The following N4BP2 variants were observed in gnomAD, a reference collection of about 807,000 sequenced individuals.
N4BP2 encodes the protein NEDD4 binding protein 2, also known as NEDD4-binding protein 2.
In N4BP2, 91 loss-of-function variants were observed where a neutral mutation model predicts 152.8. The ratio of observed to expected loss-of-function variants is 0.60; its 90% CI spans 0.50 to 0.71. The LOEUF (loss-of-function observed/expected upper bound fraction) is 0.71, where lower values mean the gene tolerates loss of function less well. N4BP2 is among the 30% of genes least tolerant of loss of function. N4BP2 has a pLI of 0.00. For missense variants in N4BP2, 1,923 were observed against 2,059.1 expected (o/e 0.93, Z 1.28); for synonymous variants, 646 against 705.3 (o/e 0.92, Z 1.33).
chr4:40,190,279 G>C, the N4BP2 span, among the ~76,000 whole-genome samples: 4 of 152,220 alleles, frequency 2.6e-5, no homozygotes, highest in East Asian at 7.7e-4. Context: ...GTAAATATTT[G>C]TTGAATGAAA....
chr4:40,070,831 CT>C (rs531129011), intron 1 of N4BP2, among the ~76,000 whole-genome samples: 151 of 143,620 alleles, frequency 1.1e-3, no homozygotes, highest in Admixed American at 1.1e-3. Context: ...TTTTTTTCTT[CT>C]TTTTTTTTTT....
chr4:40,072,906 G>C (rs1712353933), intron 1 of N4BP2, among the ~76,000 whole-genome samples: 1 of 151,720 alleles, frequency 6.6e-6, no homozygotes, highest in Non-Finnish European at 1.5e-5. Context: ...ATTTTTAGCA[G>C]AGACGGGGTC....
chr4:40,062,336 C>G (rs979809944), intron 1 of N4BP2, among the ~76,000 whole-genome samples: 18 of 152,072 alleles, frequency 1.2e-4, no homozygotes, highest in African/African-American at 4.3e-4. Flanking sequence ...TCTTTAATAT[C>G]TCTTGAATCT....
intron 11 of N4BP2, among the ~76,000 whole-genome samples, chr4:40,125,926 CTT>C (rs1288298987): frequency 6.6e-6 from 1 of 150,750 alleles, no homozygotes; most frequent in Non-Finnish European, 1.5e-5. Context: ...GATCATTACT[CTT>C]TTAAAATATT....
intron 13 of N4BP2, among the ~76,000 whole-genome samples, chr4:40,134,309 CTA>C (rs1214454184): frequency 6.6e-6 from 1 of 152,178 alleles, no homozygotes; most frequent in Non-Finnish European, 1.5e-5. Flanking sequence ...CACTCCTGTT[CTA>C]TGAGTACCTA....
chr4:40,078,027 G>T (rs972009383), intron 2 of N4BP2: 3 of 151,132 alleles, frequency 2.0e-5, no homozygotes, highest in Non-Finnish European at 4.4e-5. Flanking sequence ...AGCTGATAAG[G>T]TTCTTTTTAG....
chr4:40,126,767 T>A (rs1361941615), intron 12 of N4BP2, among the ~76,000 whole-genome samples: 1 of 152,124 alleles, frequency 6.6e-6, no homozygotes, highest in Admixed American at 6.5e-5. Context: ...TATTTTTATT[T>A]TATTTTTGGA....
At position 40,144,783 on chromosome 4, in the gene N4BP2, T is replaced by C. The variant is rs780714529; in HGVS notation, c.5126T>C (p.Leu1709Ser). The C allele has an allele frequency of 6.2e-7, 1 of 1,611,344 alleles. No individual in the cohort carries two copies. Among genetic ancestry groups the C allele is most frequent in the Admixed American group, 1.7e-5 (1 of 59,414 alleles). Residue 1709 changes from leucine (L) to serine (S), a missense_variant, in exon 16 of 18, where the codon TTA becomes TCA. By Grantham distance (145) the Leu-to-Ser change is moderately radical (BLOSUM62 -2). Coordinates refer to ENST00000261435, the MANE Select transcript of N4BP2 (RefSeq NM_018177.6). ...GCTCTAGAACATTTGATGAGAGTTT[T>C]AGAGAAGAAGACTGAAGGTAGGACT... ...DEALEHLMRVLEKKTEEFKQN... is the reference protein window; with the variant it reads ...DEALEHLMRVSEKKTEEFKQN...
chr4:40,086,736 G>A (rs1714004518), intron 2 of N4BP2, among the ~76,000 whole-genome samples: 1 of 151,792 alleles, frequency 6.6e-6, no homozygotes, highest in South Asian at 2.1e-4. Context: ...ATATTATATA[G>A]ATTTAAAAAA....
At chr4:40,098,891 A>G (rs1715348839) in intron 3 of N4BP2, among the ~76,000 whole-genome samples, 1 of 152,214 alleles carries the variant, frequency 6.6e-6, no homozygotes, top group Non-Finnish European at 1.5e-5. Flanking sequence ...TTTTGTTATT[A>G]TGCGTTTTTA....
intron 1 of N4BP2, among the ~76,000 whole-genome samples, chr4:40,065,935 A>AT (rs61125129): frequency 0.093 from 13,578 of 146,694 alleles, 1,105 homozygotes; most frequent in East Asian, 0.41. Context: ...CCAGTAAAGC[A>AT]TTTTTTTTTT....
At chr4:40,100,484 T>C (rs1046235044) in intron 3 of N4BP2, among the ~76,000 whole-genome samples, 1 of 150,192 alleles carries the variant, frequency 6.7e-6, no homozygotes, top group Non-Finnish European at 1.5e-5. Flanking sequence ...TGGGCTGAAG[T>C]GATTCTCCTA....
chr4:40,164,722 T>C, the N4BP2 span, among the ~76,000 whole-genome samples: 1 of 152,230 alleles, frequency 6.6e-6, no homozygotes, highest in Non-Finnish European at 1.5e-5. Flanking sequence ...TAGGTCTTTC[T>C]GAAACAGTTC....
intron 4 of N4BP2, 55 bp from the exon 5 acceptor site, chr4:40,106,844 AG>A: frequency 2.0e-6 from 3 of 1,517,614 alleles, no homozygotes; most frequent in Non-Finnish European, 2.7e-6. Context: ...TGGAAAAATT[AG>A]GAGAGAAAAT....
chr4:40,097,640 G>A (rs1336940353), intron 3 of N4BP2, 71 bp downstream of exon 3: 5 of 840,376 alleles, frequency 5.9e-6, no homozygotes, highest in Non-Finnish European at 7.5e-6. Context: ...ATGATTAATA[G>A]TAATATAGAA....
At chr4:40,167,130 G>A in the N4BP2 span, 56 of 152,278 alleles carry the variant, frequency 3.7e-4, no homozygotes, top group Non-Finnish European at 6.0e-4. Context: ...TGTTTGTGGT[G>A]ATCTGATATT....
chr4:40,188,788 T>G, the N4BP2 span, among the ~76,000 whole-genome samples: 1 of 150,114 alleles, frequency 6.7e-6, no homozygotes, highest in African/African-American at 2.5e-5. Context: ...ACTAATGTAG[T>G]GCCTAATAAA....
chr4:40,177,944 G>T, the N4BP2 span, among the ~76,000 whole-genome samples: 28 of 152,294 alleles, frequency 1.8e-4, no homozygotes, highest in African/African-American at 6.3e-4. Flanking sequence ...GTTATGAAAT[G>T]AGAGCAACAG....
chr4:40,109,080 G>A (rs1448327736), intron 5 of N4BP2, among the ~76,000 whole-genome samples: 4 of 151,908 alleles, frequency 2.6e-5, no homozygotes, highest in South Asian at 2.1e-4. Context: ...CTCCCGAAGT[G>A]CTGGGATTAC....
Sources: gnomAD v4.1 joint callset for allele counts (sites outside exome capture counted in the v4.1 genomes callset) on GRCh38, gnomAD v4.1.1 for gene constraint, MANE v1.5 for transcripts, NCBI Gene and HGNC (gene_info 2026-07-23, HGNC 2026-07-21) for gene names.